The following FRY variants were observed in gnomAD, a reference collection of about 807,000 sequenced individuals.
The protein encoded by FRY is protein furry homolog.
Under a neutral mutation model 348.4 loss-of-function variants are expected in FRY, and 128 were observed. The observed-to-expected ratio is 0.37, with a 90% CI of 0.32 to 0.43. FRY has a LOEUF of 0.43. Ranked by LOEUF, FRY falls within the 20% of genes least tolerant of loss-of-function variation. The pLI is 1.00. For synonymous variants in FRY, 1,370 were observed against 1,374.7 expected (o/e 1.00, Z 0.08); for missense variants, 2,736 against 3,695.2 (o/e 0.74, Z 6.73).
chr13:32,053,707 G>A (rs560782451), intron 1 of FRY, among the ~76,000 whole-genome samples: 1 of 152,348 alleles, frequency 6.6e-6, no homozygotes, highest in South Asian at 2.1e-4. Flanking sequence ...TTCTTGGGCT[G>A]TATTTTTTAA....
chr13:32,077,658 G>T (rs777026161), intron 1 of FRY, among the ~76,000 whole-genome samples: 7 of 152,152 alleles, frequency 4.6e-5, no homozygotes, highest in Admixed American at 2.0e-4. Flanking sequence ...CTCAGAACTT[G>T]GCTTGAGACA....
chr13:32,227,845 G>A (rs1022371649), intron 39 of FRY, among the ~76,000 whole-genome samples: 12 of 148,630 alleles, frequency 8.1e-5, no homozygotes, highest in Non-Finnish European at 1.3e-4. Context: ...TCCACCCACC[G>A]GGTTCACGCC....
At chr13:32,061,251 G>T (rs139705147) in intron 1 of FRY, 1 of 485,262 alleles carries the variant, frequency 2.1e-6, no homozygotes, top group Admixed American at 2.3e-5. Flanking sequence ...AGGTTTCAGC[G>T]GATGGGGGTG....
intron 1 of FRY, among the ~76,000 whole-genome samples, chr13:32,065,168 A>G (rs1235718166): frequency 6.6e-6 from 1 of 152,224 alleles, no homozygotes; most frequent in Non-Finnish European, 1.5e-5. Context: ...CTTTTAAAAA[A>G]TATTTATTAT....
intron 59 of FRY, among the ~76,000 whole-genome samples, chr13:32,292,598 C>T (rs1387677597): frequency 1.3e-5 from 2 of 151,808 alleles, no homozygotes; most frequent in African/African-American, 4.8e-5. Flanking sequence ...TTGAGATCAT[C>T]TTGGCCAACA....
chr13:32,220,016 A>G (rs888789453), intron 36 of FRY, among the ~76,000 whole-genome samples: 2 of 152,210 alleles, frequency 1.3e-5, no homozygotes, highest in African/African-American at 4.8e-5. Flanking sequence ...ACAGAGTATT[A>G]ATTGGTCACA....
Position 32,224,277 on chromosome 13 carries a change from C to T in FRY, c.4808C>T (p.Thr1603Ile). The change falls in exon 37 of 61, where the codon ACA becomes ATA. Residue 1603 changes from threonine (T) to isoleucine (I), a missense_variant. Around this residue, in one of 9 missense-constraint regions of FRY, gnomAD observed 794 missense variants for 977.0 expected, o/e 0.81. Transcript: ENST00000542859. ...TACACGGGCTGGTTGCTGACTATTA[C>T]AGAGACCAAGCAGCCGCAGCCCTTA... ...SPYTGWLLTITETKQPQPLPM... is the reference protein window; with the variant it reads ...SPYTGWLLTIIETKQPQPLPM... 1.2e-6 allele frequency: 2 copies of T among 1,614,004 alleles called. No homozygotes were observed. Among genetic ancestry groups the T allele is most frequent in the Non-Finnish European group, 1.7e-6 (2 of 1,179,920 alleles).
intron 26 of FRY, among the ~76,000 whole-genome samples, chr13:32,185,771 G>A (rs1234625931): frequency 6.6e-6 from 1 of 151,912 alleles, no homozygotes; most frequent in South Asian, 2.1e-4. Context: ...TCCGCTTTTC[G>A]CTATTTTGAT....
chr13:32,162,986 C>T (rs531394887), intron 17 of FRY, among the ~76,000 whole-genome samples: 1 of 152,150 alleles, frequency 6.6e-6, no homozygotes, highest in African/African-American at 2.4e-5. Context: ...ATAATGAACA[C>T]GATGATTTAG....
intron 31 of FRY, 118 bp from the exon 32 acceptor site, chr13:32,208,735 A>G: frequency 8.2e-7 from 1 of 1,212,698 alleles, no homozygotes; most frequent in South Asian, 1.2e-5. Flanking sequence ...GAGCTCCTGT[A>G]TGTGAAAATG....
intron 36 of FRY, among the ~76,000 whole-genome samples, chr13:32,222,859 C>T (rs9533913): frequency 0.077 from 11,670 of 152,226 alleles, 566 homozygotes; most frequent in Non-Finnish European, 0.1. Flanking sequence ...TTGTTGTTAT[C>T]GTCATCATCA....
chr13:32,270,701 T>A (rs376413024), intron 55 of FRY, among the ~76,000 whole-genome samples: 110 of 152,324 alleles, frequency 7.2e-4, no homozygotes, highest in African/African-American at 2.6e-3. Context: ...TGATTGGGTG[T>A]CACTTCAGTT....
intron 2 of FRY, among the ~76,000 whole-genome samples, chr13:32,098,026 G>C (rs1370668249): frequency 6.6e-6 from 1 of 152,014 alleles, no homozygotes; most frequent in Admixed American, 6.5e-5. Context: ...GGACACCACT[G>C]TCCTAGAACT....
chr13:32,218,878 A>G (rs1484410034), intron 36 of FRY, 47 bp downstream of exon 36: 2 of 1,055,254 alleles, frequency 1.9e-6, no homozygotes, highest in African/African-American at 1.6e-5. Flanking sequence ...GCAAGTGGTC[A>G]GAGGATGGAA....
At position 32,171,220 on chromosome 13, in the gene FRY, C is replaced by G. The variant is rs1251473475; in HGVS notation, c.2101C>G (p.Gln701Glu). The change falls in exon 18 of 61, where the codon CAG (glutamine) becomes GAG (glutamate). Residue 701 changes from glutamine (Q) to glutamate (E), a missense_variant. Gln to Glu is a conservative substitution (Grantham distance 29, BLOSUM62 2). Around this residue, in one of 9 missense-constraint regions of FRY, gnomAD observed 449 missense variants for 576.9 expected, o/e 0.78. Coordinates refer to ENST00000542859, the MANE Select transcript of FRY (RefSeq NM_023037.3). ...GCTCACCCAGTGGAAACTAGTCATC[C>G]AGACACAAGGAAAAGTCTATGAACA... ...QLLTQWKLVI[Q>E]TQGKVYEQAN... The G allele has an allele frequency of 6.2e-7, 1 of 1,613,022 alleles. No individual in the cohort carries two copies. Among genetic ancestry groups the G allele is most frequent in the South Asian group, 1.1e-5 (1 of 91,050 alleles).
chr13:32,180,238 CT>C (rs772654387), intron 23 of FRY, among the ~76,000 whole-genome samples: 28 of 147,082 alleles, frequency 1.9e-4, no homozygotes, highest in East Asian at 3.9e-4. Flanking sequence ...ATTTTTTTTT[CT>C]TTTTTTTTTT....
intron 23 of FRY, among the ~76,000 whole-genome samples, chr13:32,180,454 C>T (rs1227943061): frequency 3.3e-5 from 5 of 152,284 alleles, no homozygotes; most frequent in African/African-American, 1.2e-4. Context: ...AGGCTGTTCT[C>T]GAACTTCTGA....
intron 12 of FRY, 111 bp downstream of exon 12, chr13:32,147,496 T>C: frequency 2.7e-6 from 2 of 733,014 alleles, no homozygotes; most frequent in Non-Finnish European, 5.0e-6. Context: ...AGCTGACAGT[T>C]TCTAAAAGAT....
intron 51 of FRY, among the ~76,000 whole-genome samples, chr13:32,257,293 G>A (rs1887391814): frequency 6.6e-6 from 1 of 152,120 alleles, no homozygotes; most frequent in Non-Finnish European, 1.5e-5. Context: ...TACTGTCATT[G>A]GTGAATAATT....
Sources: allele counts gnomAD v4.1 joint callset (sites outside exome capture counted in the v4.1 genomes callset), GRCh38; gene constraint gnomAD v4.1.1; regional missense constraint gnomAD v4.1.1; transcripts MANE v1.5; gene names NCBI Gene and HGNC (gene_info 2026-07-23, HGNC 2026-07-21).